SRBD1: variants seen among roughly 807,000 people sequenced by gnomAD.
SRBD1 encodes the protein S1 RNA-binding domain-containing protein 1.
SRBD1 carries 88 observed loss-of-function variants against 115.3 expected under a neutral mutation model. The ratio of observed to expected loss-of-function variants is 0.76; its 90% CI spans 0.64 to 0.91. SRBD1 has a LOEUF of 0.91. Ranked by LOEUF, SRBD1 falls within the 40% of genes least tolerant of loss-of-function variation. SRBD1 has a pLI of 0.00. For missense variants in SRBD1, 1,385 were observed against 1,177.4 expected (o/e 1.18, Z -2.58); for synonymous variants, 509 against 407.7 (o/e 1.25, Z -2.99).
intron 18 of SRBD1, among the ~76,000 whole-genome samples, chr2:45,414,753 C>CAGTGTGTATATAGTATGT (rs1295737113): frequency 7.7e-6 from 1 of 129,964 alleles, no homozygotes. Flanking sequence ...TATGTACACA[C>CAGTGTGTATATAGTATGT]ACACAGTGTG....
intron 9 of SRBD1, among the ~76,000 whole-genome samples, chr2:45,571,919 T>C (rs1449980654): frequency 1.3e-5 from 2 of 152,038 alleles, no homozygotes; most frequent in East Asian, 1.9e-4. Flanking sequence ...TCTCTACATA[T>C]AATGGGAGAC....
chr2:45,604,550 T>G lies in SRBD1; in HGVS notation c.80+812A>C, dbSNP rs999179740. ...TTCTTACTACTCTCTGCCTCATGTC[T>G]CTAGACTGGCCACACTGGTCTTCTT... On this transcript the variant is annotated intron_variant, in intron 2 of 20. Transcript: ENST00000263736. Among the ~76,000 whole-genome samples the G allele has an allele frequency of 3.3e-5, 5 of 152,276 alleles. No homozygotes were observed. In the South Asian group the frequency reaches 8.3e-4, roughly 25 times the overall value.
At position 45,476,917 on chromosome 2, in the gene SRBD1, TA is replaced by T. The variant is rs1667379468; in HGVS notation, c.2049+75del. The T allele has an allele frequency of 4.4e-6, 6 of 1,360,498 alleles. No individual in the cohort carries two copies. The Admixed American group carries it at 7.1e-5, about 16-fold the overall frequency. The allele number at this position is 1,360,498 out of a possible 1,614,324, so 84.3% of individuals were successfully genotyped here. On this transcript the variant is annotated intron_variant, in intron 16 of 20. Transcript: ENST00000263736. ...ATGGGAATCTACTCCCACAGACACT[TA>T]ATTACTATCCCAGGTTTGAGTACTG...
chr2:45,408,147 A>T (rs186340462), intron 19 of SRBD1, among the ~76,000 whole-genome samples: 2 of 152,312 alleles, frequency 1.3e-5, no homozygotes, highest in East Asian at 1.9e-4. Flanking sequence ...CTTTTAATAG[A>T]ACTGAAATCA....
chr2:45,522,055 G>C (rs1671301168), intron 14 of SRBD1, among the ~76,000 whole-genome samples: 1 of 151,878 alleles, frequency 6.6e-6, no homozygotes, highest in Admixed American at 6.6e-5. Flanking sequence ...GTTCATAGCA[G>C]CACTATACAC....
At chr2:45,580,676 CTTTTTTTTTTTTTTT>C (rs369067711) in intron 6 of SRBD1, among the ~76,000 whole-genome samples, 2 of 76,350 alleles carry the variant, frequency 2.6e-5, no homozygotes, top group East Asian at 4.3e-4. Flanking sequence ...TCTTCTACTT[CTTTTTTTTTTTTTTT>C]TTTTTTTTTT....
At chr2:45,391,309 G>T (rs559891069) in intron 20 of SRBD1, among the ~76,000 whole-genome samples, 1 of 152,248 alleles carries the variant, frequency 6.6e-6, no homozygotes, top group African/African-American at 2.4e-5. Context: ...AACCCAGTTA[G>T]GGAAATTAAC....
intron 14 of SRBD1, among the ~76,000 whole-genome samples, chr2:45,500,478 A>T (rs1195159110): frequency 1.3e-5 from 2 of 151,578 alleles, no homozygotes; most frequent in Non-Finnish European, 2.9e-5. Flanking sequence ...GCTGGAGTGC[A>T]GTGGCACAAT....
chr2:45,475,276 C>T (rs190896024), intron 16 of SRBD1, among the ~76,000 whole-genome samples: 1 of 152,276 alleles, frequency 6.6e-6, no homozygotes, highest in East Asian at 1.9e-4. Flanking sequence ...TCTTTACTGC[C>T]ATTAACTTTG....
intron 18 of SRBD1, among the ~76,000 whole-genome samples, chr2:45,417,757 G>C (rs1238215446): frequency 6.6e-6 from 1 of 152,208 alleles, no homozygotes; most frequent in Non-Finnish European, 1.5e-5. Context: ...TCAGTGAGGA[G>C]GGAGTGGGGA....
At chr2:45,542,208 C>G (rs901639414) in intron 14 of SRBD1, among the ~76,000 whole-genome samples, 8 of 152,246 alleles carry the variant, frequency 5.3e-5, no homozygotes, top group Non-Finnish European at 1.2e-4. Flanking sequence ...GGGCTGGTGT[C>G]AGCACTGCCT....
intron 15 of SRBD1, among the ~76,000 whole-genome samples, chr2:45,486,696 G>C (rs1039113761): frequency 6.6e-6 from 1 of 151,632 alleles, no homozygotes; most frequent in African/African-American, 2.4e-5. Context: ...TCGCACCACT[G>C]TACTCCAGCC....
intron 5 of SRBD1, among the ~76,000 whole-genome samples, chr2:45,582,156 C>CTACA (rs1673386187): frequency 6.6e-6 from 1 of 152,266 alleles, no homozygotes; most frequent in Admixed American, 6.5e-5. Flanking sequence ...TGGCATGCAA[C>CTACA]TACAGTCTCC....
At chr2:45,470,501 T>C (rs1217745595) in intron 16 of SRBD1, among the ~76,000 whole-genome samples, 2 of 152,220 alleles carry the variant, frequency 1.3e-5, no homozygotes, top group Middle Eastern at 3.2e-3. Flanking sequence ...GAAAGAGCAC[T>C]GTTCTGAGTC....
chr2:45,392,896 T>C (rs1467948131), intron 20 of SRBD1, 49 bp downstream of exon 20: 2 of 1,498,638 alleles, frequency 1.3e-6, no homozygotes, highest in East Asian at 2.3e-5. Flanking sequence ...AAGGAGATAA[T>C]GGGAGCTATG....
Position 45,441,178 on chromosome 2 carries a change from CAG to C in SRBD1, c.2050-21286_2050-21285del, listed in dbSNP as rs373814782. Among the ~76,000 whole-genome samples, 644 of 152,218 alleles carry C rather than the reference CAG, an allele frequency of 4.2e-3. 8 individuals carry two copies. Among genetic ancestry groups the C allele is most frequent in the African/African-American group, 0.015 (603 of 41,530 alleles). ...GACAGGATCCACATTAATGTGGAGT[CAG>C]AGAGTTAATATGGAAAGGAAAGGTT... On this transcript the variant is annotated intron_variant, in intron 16 of 20. Coordinates refer to ENST00000263736, the MANE Select transcript of SRBD1 (RefSeq NM_018079.5).
At chr2:45,474,782 G>C (rs1489145501) in intron 16 of SRBD1, among the ~76,000 whole-genome samples, 1 of 152,136 alleles carries the variant, frequency 6.6e-6, no homozygotes, top group African/African-American at 2.4e-5. Flanking sequence ...GAATTCCTGA[G>C]ATTTCCATCC....
intron 16 of SRBD1, among the ~76,000 whole-genome samples, chr2:45,425,918 C>T (rs939209509): frequency 1.2e-4 from 19 of 152,108 alleles, no homozygotes; most frequent in Admixed American, 5.9e-4. Context: ...CAAAACTGGG[C>T]GGCCATTTGG....
intron 19 of SRBD1, among the ~76,000 whole-genome samples, chr2:45,401,313 C>G (rs1339550735): frequency 6.6e-6 from 1 of 152,034 alleles, no homozygotes; most frequent in African/African-American, 2.4e-5. Flanking sequence ...AGCAATCTGT[C>G]CACTTAACAT....
Sources: gnomAD v4.1 joint callset for allele counts (sites outside exome capture counted in the v4.1 genomes callset) on GRCh38, gnomAD v4.1.1 for gene constraint, MANE v1.5 for transcripts, NCBI Gene and HGNC (gene_info 2026-07-23, HGNC 2026-07-21) for gene names.